Variants in ATP8B4 observed in about 807,000 individuals in gnomAD.
ATP8B4 encodes probable phospholipid-transporting ATPase IM.
In ATP8B4, 133 loss-of-function variants were observed where a neutral mutation model predicts 145.6. The ratio of observed to expected loss-of-function variants is 0.91; its 90% CI spans 0.79 to 1.05. ATP8B4 has a LOEUF of 1.05. Among genes scored for constraint, ATP8B4 ranks in the 50% least tolerant of loss-of-function variants. The pLI is 0.00. For synonymous variants in ATP8B4, 507 were observed against 492.9 expected, an observed-to-expected ratio of 1.03 and a Z score of -0.38; for missense variants, 1,458 against 1,425.2, an observed-to-expected ratio of 1.02 and a Z score of -0.37.
chr15:50,102,288 G>A (rs974042721), intron 2 of ATP8B4, among the ~76,000 whole-genome samples: 2 of 151,544 alleles, frequency 1.3e-5, no homozygotes, highest in Non-Finnish European at 2.9e-5. Flanking sequence ...CCACACAAAA[G>A]ACAAATGAAA....
chr15:50,095,193 G>A (rs1600346335), intron 2 of ATP8B4, among the ~76,000 whole-genome samples: 1 of 152,048 alleles, frequency 6.6e-6, no homozygotes, highest in Admixed American at 6.6e-5. Flanking sequence ...CATATTATAG[G>A]TAAGATACTG....
chr15:50,087,799 T>C (rs906180639), intron 2 of ATP8B4, among the ~76,000 whole-genome samples: 5 of 152,140 alleles, frequency 3.3e-5, no homozygotes, highest in African/African-American at 4.8e-5. Flanking sequence ...GTTAATTAAC[T>C]ATACCAAAGG....
intron 6 of ATP8B4, among the ~76,000 whole-genome samples, chr15:50,026,164 T>G (rs567200180): frequency 7.9e-5 from 12 of 152,330 alleles, no homozygotes; most frequent in African/African-American, 2.9e-4. Context: ...CCTCATACTT[T>G]CAATATTCCA....
chr15:49,871,070 G>A (rs1175285921), intron 25 of ATP8B4, among the ~76,000 whole-genome samples: 2 of 152,246 alleles, frequency 1.3e-5, no homozygotes, highest in East Asian at 1.9e-4. Context: ...GGAGGTTCAC[G>A]TAGCTTTGGA....
At chr15:50,118,516 C>T (rs966600399) in intron 1 of ATP8B4, among the ~76,000 whole-genome samples, 1 of 152,206 alleles carries the variant, frequency 6.6e-6, no homozygotes, top group African/African-American at 2.4e-5. Context: ...AACAAGACTT[C>T]AGCTTCCAAT....
intron 14 of ATP8B4, among the ~76,000 whole-genome samples, chr15:49,948,954 G>A (rs536043115): frequency 3.5e-4 from 54 of 152,188 alleles, no homozygotes; most frequent in African/African-American, 1.3e-3. Context: ...TTTTTGTCAG[G>A]TTCGTCGAAG....
chr15:49,948,281 C>CAAAAAAAAAA (rs35575312), intron 14 of ATP8B4, among the ~76,000 whole-genome samples: 5 of 112,310 alleles, frequency 4.5e-5, no homozygotes, highest in Non-Finnish European at 7.3e-5. Context: ...ACTAAAAATA[C>CAAAAAAAAAA]AAAAAAAAAA....
At chr15:49,865,167 G>A (rs1408593472) in intron 26 of ATP8B4, among the ~76,000 whole-genome samples, 4 of 152,114 alleles carry the variant, frequency 2.6e-5, no homozygotes, top group Non-Finnish European at 4.4e-5. Flanking sequence ...GATCACCAAT[G>A]GCCAATGACT....
intron 6 of ATP8B4, among the ~76,000 whole-genome samples, chr15:50,030,039 A>G (rs1173266214): frequency 1.3e-5 from 2 of 152,244 alleles, no homozygotes; most frequent in Non-Finnish European, 2.9e-5. Flanking sequence ...TGGTGTAGAC[A>G]ACCTTTGAGC....
chr15:50,115,694 G>C (rs749733262), intron 1 of ATP8B4, among the ~76,000 whole-genome samples: 14 of 152,220 alleles, frequency 9.2e-5, no homozygotes, highest in Non-Finnish European at 2.1e-4. Flanking sequence ...GATTCTGAAA[G>C]ACAGGATCAT....
intron 23 of ATP8B4, among the ~76,000 whole-genome samples, chr15:49,892,661 C>T (rs1015018399): frequency 1.3e-5 from 2 of 152,162 alleles, no homozygotes; most frequent in East Asian, 3.8e-4. Flanking sequence ...ACCTGTTCTA[C>T]AGGACATTAT....
intron 20 of ATP8B4, chr15:49,901,933 A>G (rs2038086040): frequency 3.0e-6 from 1 of 332,260 alleles, no homozygotes; most frequent in African/African-American, 2.2e-5. Context: ...CAAATGCTCT[A>G]GATCTAATTA....
intron 1 of ATP8B4, among the ~76,000 whole-genome samples, chr15:50,118,103 C>T (rs557281125): frequency 6.6e-6 from 1 of 151,910 alleles, no homozygotes; most frequent in South Asian, 2.1e-4. Context: ...GGTAGTATGA[C>T]AATAGATAAT....
intron 12 of ATP8B4, among the ~76,000 whole-genome samples, chr15:49,976,060 C>A (rs557394539): frequency 7.9e-5 from 12 of 152,170 alleles, no homozygotes; most frequent in Non-Finnish European, 1.8e-4. Context: ...ACATGACATA[C>A]CTATGTTTCC....
intron 1 of ATP8B4, among the ~76,000 whole-genome samples, chr15:50,140,224 T>G (rs552104566): frequency 1.7e-4 from 26 of 152,268 alleles, no homozygotes; most frequent in African/African-American, 6.0e-4. Flanking sequence ...ATGAGTACAT[T>G]GAGCCATCAC....
chr15:50,012,402 C>T (rs541751697), intron 6 of ATP8B4, among the ~76,000 whole-genome samples: 15 of 152,150 alleles, frequency 9.9e-5, no homozygotes, highest in South Asian at 2.1e-4. Context: ...GATGATATTG[C>T]GTCTTATTTC....
chr15:49,926,998 C>A (rs976918465), intron 16 of ATP8B4, among the ~76,000 whole-genome samples: 1 of 152,086 alleles, frequency 6.6e-6, no homozygotes, highest in African/African-American at 2.4e-5. Context: ...TTCCAAGAAG[C>A]TTCTTGTAAT....
chr15:49,893,252 G>C (rs1598958986), intron 23 of ATP8B4, among the ~76,000 whole-genome samples: 1 of 152,170 alleles, frequency 6.6e-6, no homozygotes, highest in Non-Finnish European at 1.5e-5. Flanking sequence ...AGACTAATGT[G>C]AACTGTAAAT....
chr15:50,143,997 G>T (rs191467323), intron 1 of ATP8B4, among the ~76,000 whole-genome samples: 9 of 152,292 alleles, frequency 5.9e-5, no homozygotes, highest in Admixed American at 3.3e-4. Flanking sequence ...CATTAGAATG[G>T]AAGGGCTTTT....
Sources: gnomAD v4.1 joint callset for allele counts (sites outside exome capture counted in the v4.1 genomes callset) on GRCh38, gnomAD v4.1.1 for gene constraint, MANE v1.5 for transcripts, NCBI Gene and HGNC (gene_info 2026-07-23, HGNC 2026-07-21) for gene names.